The following TJP1 variants were observed in gnomAD, a reference collection of about 807,000 sequenced individuals.
TJP1 encodes tight junction protein ZO-1.
In TJP1, 43 loss-of-function variants were observed where a neutral mutation model predicts 194.2. That is an observed-to-expected ratio of 0.22 (90% CI 0.17 to 0.29). TJP1 has a LOEUF of 0.29. Ranked by LOEUF, TJP1 falls within the 10% of genes least tolerant of loss-of-function variation. The pLI, the probability that TJP1 is intolerant of heterozygous loss-of-function variation, is 1.00. For synonymous variants in TJP1, 801 were observed against 779.0 expected, an observed-to-expected ratio of 1.03 and a Z score of -0.47; for missense variants, 1,971 against 2,185.7, an observed-to-expected ratio of 0.90 and a Z score of 1.96.
intron 2 of TJP1, among the ~76,000 whole-genome samples, chr15:29,832,314 G>A (rs2050861602): frequency 1.3e-5 from 2 of 152,106 alleles, no homozygotes; most frequent in African/African-American, 4.8e-5. Flanking sequence ...CTGCCAACCT[G>A]TAGACATATG....
At position 29,878,837 on chromosome 15, in the gene TJP1, C is replaced by T. The variant is rs956182871; in HGVS notation, c.306+77395G>A. 1.9e-4 allele frequency among the ~76,000 whole-genome samples: 29 copies of T among 152,114 alleles called. 1 individual carries two copies. The highest frequency in any genetic ancestry group is 7.0e-4 in the African/African-American group (29 of 41,532). On this transcript the variant is annotated intron_variant, in intron 2 of 28. Coordinates refer to the TJP1 transcript ENST00000356107. ...AGTGACTTGCATATTAATTAACGCC[C>T]ATGCTGGCCGGGCGCGGTGGCTCAT...
chr15:29,710,070 C>T (rs191816276), intron 24 of TJP1, among the ~76,000 whole-genome samples: 16 of 151,904 alleles, frequency 1.1e-4, no homozygotes, highest in Admixed American at 7.9e-4. Context: ...CACCTGAACC[C>T]GAGAGGCAGA....
chr15:29,776,522 T>C (rs1382870311), intron 2 of TJP1, among the ~76,000 whole-genome samples: 1 of 152,194 alleles, frequency 6.6e-6, no homozygotes, highest in Non-Finnish European at 1.5e-5. Context: ...AAAAACTTAA[T>C]AAATGATAGT....
chr15:29,895,916 G>A (rs994218883), intron 2 of TJP1, among the ~76,000 whole-genome samples: 3 of 152,106 alleles, frequency 2.0e-5, no homozygotes, highest in Non-Finnish European at 2.9e-5. Flanking sequence ...CCAGTGTCTG[G>A]GGAGAGCCCA....
chr15:29,729,576 T>G (rs28697092), intron 15 of TJP1: 20,788 of 152,008 alleles, frequency 0.14, 1,860 homozygotes, highest in Non-Finnish European at 0.2. Flanking sequence ...TCCCAGCACT[T>G]TGGGAGGCCG....
intron 2 of TJP1, among the ~76,000 whole-genome samples, chr15:29,954,414 G>A (rs1257967259): frequency 6.6e-6 from 1 of 152,088 alleles, no homozygotes; most frequent in African/African-American, 2.4e-5. Flanking sequence ...TAATGACAAT[G>A]TTTTGCACAA....
chr15:29,761,799 A>C, intron 6 of TJP1, 30 bp from the exon 7 acceptor site: 1 of 1,497,774 alleles, frequency 6.7e-7, no homozygotes, highest in South Asian at 1.4e-5. Context: ...ACAGCTTGAA[A>C]GTAAATAATA....
chr15:29,732,876 C>T lies in TJP1; in HGVS notation c.1737-61G>A, dbSNP rs1363782536. The T allele has an allele frequency of 3.4e-6, 5 of 1,453,940 alleles. No individual in the cohort carries two copies. The Admixed American group carries it at 1.2e-4, about 36-fold the overall frequency. The allele number at this position is 1,453,940 out of a possible 1,614,324, so 90.1% of individuals were successfully genotyped here. A position where few individuals can be genotyped will look rare whatever the true frequency, so the allele number is the denominator to read the frequency against. On this transcript the variant is annotated intron_variant, in intron 13 of 27. Coordinates refer to ENST00000614355, the MANE Select transcript of TJP1 (RefSeq NM_001330239.4). ...TTAAAATGCAAAATGGAAAAAGACC[C>T]ACAATGAAATGAAATATACAATACT...
At chr15:29,914,603 C>A (rs1316146300) in intron 2 of TJP1, among the ~76,000 whole-genome samples, 2 of 152,096 alleles carry the variant, frequency 1.3e-5, no homozygotes, top group Admixed American at 1.3e-4. Flanking sequence ...GCAGAAAGAA[C>A]CCCACGGCCA....
chr15:29,705,502 C>T, intron 26 of TJP1, 26 bp downstream of exon 26: 4 of 1,610,830 alleles, frequency 2.5e-6, no homozygotes, highest in Non-Finnish European at 2.5e-6. Context: ...GTTATCAAAA[C>T]TAAGGAGAAA....
At chr15:29,964,956 G>A (rs1404737248) in intron 1 of TJP1, among the ~76,000 whole-genome samples, 2 of 152,026 alleles carry the variant, frequency 1.3e-5, no homozygotes, top group African/African-American at 2.4e-5. Context: ...TTCTCCTTAC[G>A]AGATTTGTAG....
chr15:29,859,294 G>A (rs1487651540), intron 2 of TJP1, among the ~76,000 whole-genome samples: 2 of 152,164 alleles, frequency 1.3e-5, no homozygotes, highest in Non-Finnish European at 2.9e-5. Flanking sequence ...ATCTTCTGCT[G>A]TAGAAAATAT....
intron 24 of TJP1, among the ~76,000 whole-genome samples, chr15:29,710,393 C>T (rs2042167486): frequency 6.6e-6 from 1 of 152,138 alleles, no homozygotes; most frequent in African/African-American, 2.4e-5. Context: ...GTGTTATATG[C>T]TGAGGGTAAA....
intron 2 of TJP1, among the ~76,000 whole-genome samples, chr15:29,784,600 G>C (rs532674770): frequency 1.3e-5 from 2 of 152,028 alleles, no homozygotes; most frequent in East Asian, 3.9e-4. Context: ...GTACCCAGCC[G>C]AGTCAAGGAT....
chr15:29,904,016 T>G (rs780474909), intron 2 of TJP1, among the ~76,000 whole-genome samples: 11 of 152,090 alleles, frequency 7.2e-5, no homozygotes, highest in Non-Finnish European at 1.0e-4. Context: ...CTCTTGGAGC[T>G]GGGTGTGAGG....
intron 2 of TJP1, among the ~76,000 whole-genome samples, chr15:29,862,555 C>T (rs74531978): frequency 7.6e-4 from 115 of 151,778 alleles, no homozygotes; most frequent in Non-Finnish European, 1.5e-3. Context: ...AAAAGGAAAG[C>T]GGAGTGATGG....
rs1208943789 is a variant in TJP1, at chr15:29,733,271, T to C, written c.1559A>G (p.Tyr520Cys). ...TTCATATTCAAAATGGGTTCTAATA[T>C]AGAAAGAATCTCCTACATCTGATTC... ...IVESDVGDSF[Y>C]IRTHFEYEKE... Residue 520 changes from tyrosine to cysteine, a missense_variant, in exon 13 of 28, where the codon TAT (tyrosine) becomes TGT (cysteine). By Grantham distance (194) the Tyr-to-Cys change is radical. Coordinates refer to ENST00000614355, the MANE Select transcript of TJP1 (RefSeq NM_001330239.4). The C allele has an allele frequency of 1.9e-6, 3 of 1,613,738 alleles. No individual in the cohort carries two copies. Among genetic ancestry groups the C allele is most frequent in the Non-Finnish European group, 1.7e-6 (2 of 1,179,772 alleles).
intron 2 of TJP1, among the ~76,000 whole-genome samples, chr15:29,849,663 C>T (rs570810841): frequency 1.8e-4 from 27 of 149,754 alleles, no homozygotes; most frequent in Admixed American, 1.3e-3. Flanking sequence ...TGCTTGAACC[C>T]GGGAGTCGGA....
In TJP1 at chr15:29,725,331, G is replaced by C. The variant is rs145273384; in HGVS notation, c.2412+1048C>G. 1.9e-3 allele frequency among the ~76,000 whole-genome samples: 288 copies of C among 152,266 alleles called. 5 individuals carry two copies. The East Asian group carries it at 0.044, about 23-fold the overall frequency. On this transcript the variant is annotated intron_variant, in intron 18 of 27. Transcript: ENST00000614355. ...TAGACACTGCCTCTCAGTGTTAACA[G>C]CTCTCCTTGCAGAGGCTGTGTATGT...
Sources: gnomAD v4.1 joint callset for allele counts (sites outside exome capture counted in the v4.1 genomes callset) on GRCh38, gnomAD v4.1.1 for gene constraint, MANE v1.5 for transcripts, NCBI Gene and HGNC (gene_info 2026-07-23, HGNC 2026-07-21) for gene names.